The following ST3GAL1 variants were observed in gnomAD, a reference collection of about 807,000 sequenced individuals.
ST3GAL1 encodes the protein ST3 beta-galactoside alpha-2,3-sialyltransferase 1, also known as CMP-N-acetylneuraminate-beta-galactosamide-alpha-2,3-sialyltransferase 1.
A neutral mutation model predicts 34.1 loss-of-function variants in ST3GAL1; 16 were observed. The ratio of observed to expected loss-of-function variants is 0.47; its 90% CI spans 0.32 to 0.71. The LOEUF is 0.71. ST3GAL1 is among the 30% of genes least tolerant of loss of function. ST3GAL1 has a pLI of 0.04. For missense variants in ST3GAL1, 353 were observed against 447.4 expected, an observed-to-expected ratio of 0.79 and a Z score of 1.90; for synonymous variants, 191 against 184.7, an observed-to-expected ratio of 1.03 and a Z score of -0.28.
At position 133,454,947 on chromosome 8, in the gene ST3GAL1, G is replaced by C. The variant is rs1361561609; in HGVS notation, c.*4817C>G. 1 of 152,260 alleles carries C rather than the reference G, an allele frequency of 6.6e-6. No individual in the cohort carries two copies. Among genetic ancestry groups the C allele is most frequent in the Non-Finnish European group, 1.5e-5 (1 of 68,054 alleles). The allele number at this position is 152,260 out of a possible 1,614,324, so 9.4% of individuals were successfully genotyped here. ...CGGGGGCTGAGGAAAGCAGGATCTT[G>C]CTGAAGTCATTCGAATGCATCCCAA... On this transcript the variant is annotated 3_prime_UTR_variant, in exon 10 of 10. Transcript: ENST00000522652.
At chr8:133,549,393 ACT>A (rs1818767523) in intron 1 of ST3GAL1, among the ~76,000 whole-genome samples, 1 of 149,264 alleles carries the variant, frequency 6.7e-6, no homozygotes. Context: ...TAAGAGTGAA[ACT>A]CTGTCTCCAA....
At chr8:133,480,447 C>A (rs1034267650) in intron 3 of ST3GAL1, among the ~76,000 whole-genome samples, 3 of 152,060 alleles carry the variant, frequency 2.0e-5, no homozygotes, top group Non-Finnish European at 4.4e-5. Context: ...GTAGTAAATA[C>A]CCATCACAGG....
chr8:133,465,665 T>G, intron 6 of ST3GAL1: 1 of 439,558 alleles, frequency 2.3e-6, no homozygotes, highest in Non-Finnish European at 4.0e-6. Flanking sequence ...CTCCCGTGTA[T>G]GGCTTCCTCT....
intron 1 of ST3GAL1, among the ~76,000 whole-genome samples, chr8:133,554,713 ATTTC>A (rs761375836): frequency 7.1e-6 from 1 of 141,294 alleles, no homozygotes; most frequent in Non-Finnish European, 1.5e-5. Flanking sequence ...GGGTTTTTTT[ATTTC>A]TTTATTTCTT....
chr8:133,497,455 A>ATTTTTTTTTTT lies in ST3GAL1; in HGVS notation c.-374+1679_-374+1680insAAAAAAAAAAA, dbSNP rs1816988627. On this transcript the variant is annotated intron_variant, in intron 3 of 9. Transcript: ENST00000522652. The stretch of plus-strand genomic sequence containing the variant: ...CTTCTCTCCCATGCAATTTTGTTGG[A>ATTTTTTTTTTT]ATTTTTTTTTTTTTTTTTTTTTTTT... 1.2e-4 allele frequency among the ~76,000 whole-genome samples: 12 copies of ATTTTTTTTTTT among 101,242 alleles called. 6 individuals carry two copies. Among genetic ancestry groups the ATTTTTTTTTTT allele is most frequent in the Non-Finnish European group, 1.2e-4 (6 of 52,146 alleles). 66.4% of individuals were successfully genotyped at this position (101,242 alleles called of 152,430 possible).
chr8:133,551,541 G>GGAAAGAAAGAAAGAAA (rs10522087), intron 1 of ST3GAL1, among the ~76,000 whole-genome samples: 9 of 91,914 alleles, frequency 9.8e-5, no homozygotes, highest in Admixed American at 2.5e-4. Context: ...AGAAAGAGAA[G>GGAAAGAAAGAAAGAAA]GAAAGAAAGA....
chr8:133,542,656 T>A (rs540978869), intron 2 of ST3GAL1, among the ~76,000 whole-genome samples: 1 of 151,648 alleles, frequency 6.6e-6, no homozygotes, highest in Admixed American at 6.6e-5. Flanking sequence ...ATGCCCATAA[T>A]CCCAGATACT....
At chr8:133,492,086 G>A (rs999504119) in intron 3 of ST3GAL1, among the ~76,000 whole-genome samples, 6 of 152,182 alleles carry the variant, frequency 3.9e-5, no homozygotes, top group African/African-American at 1.4e-4. Context: ...CAGCCCTGGT[G>A]AGGCTCGGGA....
intron 2 of ST3GAL1, chr8:133,539,709 T>G (rs1410569388): frequency 1.3e-5 from 2 of 151,996 alleles, no homozygotes; most frequent in Non-Finnish European, 2.9e-5. Context: ...CCAGCCTGAG[T>G]GGCACAGCAA....
chr8:133,484,257 C>T (rs1442219589), intron 3 of ST3GAL1, among the ~76,000 whole-genome samples: 2 of 152,172 alleles, frequency 1.3e-5, no homozygotes, highest in Non-Finnish European at 2.9e-5. Flanking sequence ...GGCTCAGGGC[C>T]TGCACCAGCA....
intron 8 of ST3GAL1, among the ~76,000 whole-genome samples, chr8:133,462,409 C>T (rs970860465): frequency 3.9e-5 from 6 of 152,164 alleles, no homozygotes; most frequent in Admixed American, 6.5e-5. Flanking sequence ...CTGGAATCAT[C>T]GCCAATCCTT....
At chr8:133,546,538 G>A (rs1340947893) in intron 1 of ST3GAL1, among the ~76,000 whole-genome samples, 1 of 150,624 alleles carries the variant, frequency 6.6e-6, no homozygotes, top group African/African-American at 2.4e-5. Context: ...AATTTGAACA[G>A]GAGATGATAT....
chr8:133,471,739 G>A (rs1020810334), intron 5 of ST3GAL1, among the ~76,000 whole-genome samples: 6 of 152,074 alleles, frequency 3.9e-5, no homozygotes, highest in African/African-American at 9.7e-5. Context: ...TGGTAAGGGC[G>A]AAGCAGTGGT....
intron 1 of ST3GAL1, among the ~76,000 whole-genome samples, chr8:133,550,471 GAC>G (rs994770316): frequency 6.6e-6 from 1 of 152,210 alleles, no homozygotes; most frequent in African/African-American, 2.4e-5. Context: ...GCTCCTCCAT[GAC>G]ACAGCTGGAG....
At chr8:133,486,171 A>G (rs559438988) in intron 3 of ST3GAL1, among the ~76,000 whole-genome samples, 3 of 152,320 alleles carry the variant, frequency 2.0e-5, no homozygotes, top group African/African-American at 4.8e-5. Flanking sequence ...ATTACGGCCA[A>G]TGCAGAATCC....
chr8:133,480,583 C>T (rs940412110), intron 3 of ST3GAL1, among the ~76,000 whole-genome samples: 9 of 152,192 alleles, frequency 5.9e-5, no homozygotes, highest in African/African-American at 2.2e-4. Context: ...CAACTTTCCT[C>T]ATGTGATCCC....
intron 5 of ST3GAL1, among the ~76,000 whole-genome samples, chr8:133,472,676 T>G (rs1260994710): frequency 6.6e-6 from 1 of 152,196 alleles, no homozygotes; most frequent in Non-Finnish European, 1.5e-5. Context: ...TCTAAAGCCC[T>G]GCTCCTTTCT....
At chr8:133,464,101 A>G (rs1345546380) in intron 7 of ST3GAL1, among the ~76,000 whole-genome samples, 1 of 152,202 alleles carries the variant, frequency 6.6e-6, no homozygotes, top group Non-Finnish European at 1.5e-5. Context: ...AAACCTGGAC[A>G]TCAAAACACT....
chr8:133,549,837 C>A (rs1818791920), intron 1 of ST3GAL1, among the ~76,000 whole-genome samples: 1 of 152,162 alleles, frequency 6.6e-6, no homozygotes, highest in South Asian at 2.1e-4. Flanking sequence ...TGGTGCATGC[C>A]TGTAATCCCA....
Sources: gnomAD v4.1 joint callset for allele counts (sites outside exome capture counted in the v4.1 genomes callset) on GRCh38, gnomAD v4.1.1 for gene constraint, MANE v1.5 for transcripts, NCBI Gene and HGNC (gene_info 2026-07-23, HGNC 2026-07-21) for gene names.